The following ZNF385D variants were observed in gnomAD, a reference collection of about 807,000 sequenced individuals.
ZNF385D encodes the protein zinc finger protein 385D, also known as zinc finger protein 659.
A neutral mutation model predicts 35.8 loss-of-function variants in ZNF385D; 15 were observed. That is an observed-to-expected ratio of 0.42 (90% CI 0.28 to 0.64). The LOEUF (loss-of-function observed/expected upper bound fraction) is 0.64. Among genes scored for constraint, ZNF385D ranks in the 30% least tolerant of loss-of-function variants. The pLI is 0.23. For missense variants in ZNF385D, 474 were observed against 494.6 expected (o/e 0.96, Z 0.39); for synonymous variants, 212 against 186.8 (o/e 1.13, Z -1.10).
intron 3 of ZNF385D, among the ~76,000 whole-genome samples, chr3:22,001,240 C>G (rs1166045354): frequency 1.3e-5 from 2 of 151,716 alleles, no homozygotes; most frequent in African/African-American, 2.4e-5. Flanking sequence ...ATGCTGCCTA[C>G]AAGAAACTCA....
intron 2 of ZNF385D, among the ~76,000 whole-genome samples, chr3:22,328,019 CTTTA>C (rs1014863626): frequency 6.6e-6 from 1 of 152,062 alleles, no homozygotes; most frequent in African/African-American, 2.4e-5. Flanking sequence ...TTTTCTATTC[CTTTA>C]TTTTCTATTT....
chr3:22,211,381 C>T (rs761923748), intron 2 of ZNF385D, among the ~76,000 whole-genome samples: 1 of 151,928 alleles, frequency 6.6e-6, no homozygotes, highest in Admixed American at 6.6e-5. Flanking sequence ...GTTCCCTGAG[C>T]CCTCCTGAGT....
intron 2 of ZNF385D, among the ~76,000 whole-genome samples, chr3:22,338,618 T>C (rs987783559): frequency 9.9e-5 from 15 of 152,024 alleles, no homozygotes; most frequent in Admixed American, 2.0e-4. Context: ...GCTTTCACAG[T>C]ACAGAATGTA....
chr3:21,802,729 T>C (rs182278186), intron 3 of ZNF385D, among the ~76,000 whole-genome samples: 2 of 152,270 alleles, frequency 1.3e-5, no homozygotes, highest in East Asian at 3.9e-4. Flanking sequence ...TGGCAGTTAG[T>C]CTCTGAGCCT....
At chr3:21,438,808 A>G (rs1283529222) in intron 4 of ZNF385D, among the ~76,000 whole-genome samples, 1 of 152,122 alleles carries the variant, frequency 6.6e-6, no homozygotes, top group Non-Finnish European at 1.5e-5. Context: ...AATAAGTAAA[A>G]TTACCCTAAC....
At chr3:22,010,056 T>C (rs1696472528) in intron 3 of ZNF385D, among the ~76,000 whole-genome samples, 1 of 152,002 alleles carries the variant, frequency 6.6e-6, no homozygotes, top group Non-Finnish European at 1.5e-5. Context: ...ATCCCACAAT[T>C]AAGCTAATCA....
intron 3 of ZNF385D, among the ~76,000 whole-genome samples, chr3:22,081,201 C>T (rs1196217903): frequency 6.6e-6 from 1 of 152,072 alleles, no homozygotes; most frequent in Non-Finnish European, 1.5e-5. Flanking sequence ...TAAATTAAAG[C>T]AACTTATTAA....
At chr3:22,144,412 A>C (rs961671876) in intron 3 of ZNF385D, among the ~76,000 whole-genome samples, 1 of 151,946 alleles carries the variant, frequency 6.6e-6, no homozygotes, top group African/African-American at 2.4e-5. Flanking sequence ...CCTCTCTATT[A>C]AAAATACAAA....
intron 2 of ZNF385D, among the ~76,000 whole-genome samples, chr3:22,232,673 A>G (rs1361865733): frequency 6.6e-6 from 1 of 152,176 alleles, no homozygotes; most frequent in African/African-American, 2.4e-5. Context: ...TTTGCTGAGA[A>G]TGATGGTTTC....
chr3:21,797,430 GT>G (rs1484101860), intron 3 of ZNF385D, among the ~76,000 whole-genome samples: 9 of 152,128 alleles, frequency 5.9e-5, no homozygotes, highest in Non-Finnish European at 8.8e-5. Flanking sequence ...CAGTTTGGTG[GT>G]TTCTTACAAA....
At position 22,083,877 on chromosome 3, in the gene ZNF385D, T is replaced by G. The variant is rs200685279; in HGVS notation, c.325+84940A>C. On this transcript the variant is annotated intron_variant, in intron 3 of 5. Coordinates refer to the ZNF385D transcript ENST00000494108. ...AAGGGAAGCCCATCAGACTAACAGC[T>G]GATCTCTCAGCAGAAACTCTACAAG... 1.4e-4 allele frequency among the ~76,000 whole-genome samples: 22 copies of G among 152,286 alleles called. No individual in the cohort carries two copies. The South Asian group carries it at 1.9e-3, about 13-fold the overall frequency.
intron 3 of ZNF385D, among the ~76,000 whole-genome samples, chr3:22,098,255 A>C (rs1701739388): frequency 6.6e-6 from 1 of 152,070 alleles, no homozygotes; most frequent in Non-Finnish European, 1.5e-5. Context: ...AACTCCCAGA[A>C]AACAGAGGAA....
intron 3 of ZNF385D, among the ~76,000 whole-genome samples, chr3:21,825,788 C>T (rs996317524): frequency 3.3e-5 from 5 of 152,158 alleles, no homozygotes; most frequent in African/African-American, 1.2e-4. Flanking sequence ...CCCCAGCCTC[C>T]GGGCTGCGGA....
chr3:22,107,026 G>GTT (rs10676871), intron 3 of ZNF385D, among the ~76,000 whole-genome samples: 13,041 of 119,168 alleles, frequency 0.11, 1,165 homozygotes, highest in Middle Eastern at 0.17. Flanking sequence ...TGGAATGAGA[G>GTT]TTTTTTTTTT....
Position 21,416,630 on chromosome 3 carries a change from T to C in ZNF385D, c.*4584A>G, listed in dbSNP as rs1407540895. 6.6e-6 allele frequency: 1 copy of C among 151,824 alleles called. No homozygotes were observed. The highest frequency in any genetic ancestry group is 1.5e-5 in the Non-Finnish European group (1 of 67,958). 9.4% of individuals were successfully genotyped at this position (151,824 alleles called of 1,614,324 possible). A position where few individuals can be genotyped will look rare whatever the true frequency, so the allele number is the denominator to read the frequency against. ...GATGCTCCAGAGATAAATCTCCCCATGTAGAAAGAAAAAAAAATCAGCAAA... is the reference window on the plus strand; with the variant it reads ...GATGCTCCAGAGATAAATCTCCCCACGTAGAAAGAAAAAAAAATCAGCAAA... On this transcript the variant is annotated 3_prime_UTR_variant, in exon 8 of 8. Coordinates refer to ENST00000281523, the MANE Select transcript of ZNF385D (RefSeq NM_024697.3).
intron 2 of ZNF385D, among the ~76,000 whole-genome samples, chr3:22,267,764 T>C (rs1700969973): frequency 6.6e-6 from 1 of 151,960 alleles, no homozygotes; most frequent in Non-Finnish European, 1.5e-5. Context: ...TTGCATTTCA[T>C]CTATTAAATT....
chr3:22,088,995 G>T (rs960097954), intron 3 of ZNF385D, among the ~76,000 whole-genome samples: 1 of 152,122 alleles, frequency 6.6e-6, no homozygotes, highest in Non-Finnish European at 1.5e-5. Flanking sequence ...ATTGTAAATT[G>T]TAACATTTAC....
chr3:21,721,602 T>C (rs558862484), intron 1 of ZNF385D, among the ~76,000 whole-genome samples: 1 of 152,278 alleles, frequency 6.6e-6, no homozygotes, highest in East Asian at 1.9e-4. Flanking sequence ...TACTTTAAAA[T>C]ATTTTCGATT....
chr3:21,753,850 C>A (rs1575592951), upstream of ZNF385D, among the ~76,000 whole-genome samples: 1 of 152,012 alleles, frequency 6.6e-6, no homozygotes, highest in Admixed American at 6.6e-5. Context: ...CTAATACTCT[C>A]ACCCTGCAGC....
Sources: gnomAD v4.1 joint callset for allele counts (sites outside exome capture counted in the v4.1 genomes callset) on GRCh38, gnomAD v4.1.1 for gene constraint, MANE v1.5 for transcripts, NCBI Gene and HGNC (gene_info 2026-07-23, HGNC 2026-07-21) for gene names.